The following POU6F2 variants were observed in gnomAD, a reference collection of about 807,000 sequenced individuals.
The protein encoded by POU6F2 is POU class 6 homeobox 2.
POU6F2 carries 31 observed loss-of-function variants against 71.3 expected under a neutral mutation model. The observed-to-expected ratio is 0.43, with a 90% CI of 0.33 to 0.59. POU6F2 has a LOEUF of 0.59. POU6F2 is among the 20% of genes least tolerant of loss of function. The probability of loss-of-function intolerance (pLI) is 0.04; values close to 1 mark genes in which losing one functional copy is unlikely to be tolerated. For missense variants in POU6F2, 783 were observed against 856.8 expected, an observed-to-expected ratio of 0.91 and a Z score of 1.07; for synonymous variants, 347 against 355.7, an observed-to-expected ratio of 0.98 and a Z score of 0.27.
At chr7:39,299,088 A>G (rs990424705) in intron 4 of POU6F2, among the ~76,000 whole-genome samples, 3 of 152,180 alleles carry the variant, frequency 2.0e-5, no homozygotes, top group African/African-American at 7.2e-5. Context: ...ATGGGTTGAT[A>G]GGTGCAGCAA....
intron 1 of POU6F2, among the ~76,000 whole-genome samples, chr7:39,031,456 A>G (rs1217847584): frequency 6.6e-6 from 1 of 152,234 alleles, no homozygotes; most frequent in African/African-American, 2.4e-5. Flanking sequence ...TTAAGGTTCC[A>G]TGTGAATGTG....
chr7:39,446,763 TC>T (rs1465186434), intron 7 of POU6F2, among the ~76,000 whole-genome samples: 9 of 152,230 alleles, frequency 5.9e-5, no homozygotes, highest in African/African-American at 2.2e-4. Context: ...CATCCGGTCC[TC>T]CTCCTCTGGA....
rs7810746 is a variant in POU6F2 at position 39,375,901 on chromosome 7, C to A, written c.973-30699C>A. Reference sequence around the variant, plus strand: ...GTTTCTCTCTGCTCCCAAACCCCATCCCTGCCCCTTTCAAGTAGGCAGTAG... The same window carrying A: ...GTTTCTCTCTGCTCCCAAACCCCATACCTGCCCCTTTCAAGTAGGCAGTAG... On this transcript the variant is annotated intron_variant, in intron 5 of 9. Transcript: ENST00000518318. 8.1e-3 allele frequency among the ~76,000 whole-genome samples: 1,236 copies of A among 152,212 alleles called. 20 individuals carry two copies. Among genetic ancestry groups the A allele is most frequent in the African/African-American group, 0.028 (1,165 of 41,524 alleles).
At chr7:39,009,298 A>G (rs1229072) in intron 1 of POU6F2, among the ~76,000 whole-genome samples, 127,400 of 150,656 alleles carry the variant, frequency 0.85, 54,845 homozygotes, top group East Asian at 0.95. Flanking sequence ...GTGAATGGGA[A>G]TTCACTCATG....
At chr7:39,414,642 G>C (rs540493841) in intron 6 of POU6F2, among the ~76,000 whole-genome samples, 2 of 152,196 alleles carry the variant, frequency 1.3e-5, no homozygotes, top group East Asian at 1.9e-4. Flanking sequence ...CAGAAGCGCC[G>C]GGCTGTGCGT....
intron 1 of POU6F2, among the ~76,000 whole-genome samples, chr7:39,085,604 C>T (rs1313112819): frequency 1.3e-5 from 2 of 150,924 alleles, no homozygotes; most frequent in African/African-American, 2.4e-5. Flanking sequence ...CCTCCGAAGC[C>T]TCCTGAATCT....
intron 7 of POU6F2, among the ~76,000 whole-genome samples, chr7:39,444,531 C>A (rs923261171): frequency 2.0e-5 from 3 of 152,186 alleles, no homozygotes; most frequent in African/African-American, 7.2e-5. Context: ...TTGCGGTGAC[C>A]CGAGATCGCA....
intron 1 of POU6F2, among the ~76,000 whole-genome samples, chr7:39,044,063 A>G (rs1224334517): frequency 6.6e-6 from 1 of 151,892 alleles, no homozygotes; most frequent in Non-Finnish European, 1.5e-5. Context: ...GCATTGAAGT[A>G]GAATCTCCTG....
intron 4 of POU6F2, among the ~76,000 whole-genome samples, chr7:39,250,844 G>A (rs1487226517): frequency 6.6e-6 from 1 of 152,228 alleles, no homozygotes; most frequent in Non-Finnish European, 1.5e-5. Flanking sequence ...TGGCCAGATA[G>A]AGTCAACCAA....
intron 4 of POU6F2, among the ~76,000 whole-genome samples, chr7:39,220,131 C>T (rs1163092001): frequency 6.6e-6 from 1 of 152,174 alleles, no homozygotes; most frequent in African/African-American, 2.4e-5. Context: ...AAGGCAACCC[C>T]AGCAGCAGCC....
At chr7:39,087,628 T>C (rs73373262) in intron 2 of POU6F2, among the ~76,000 whole-genome samples, 5,782 of 152,248 alleles carry the variant, frequency 0.038, 351 homozygotes, top group African/African-American at 0.13. Context: ...GCCATGCCCA[T>C]GCCCCTCTAA....
intron 1 of POU6F2, among the ~76,000 whole-genome samples, chr7:39,022,531 G>A (rs764872617): frequency 6.6e-6 from 1 of 151,974 alleles, no homozygotes; most frequent in Non-Finnish European, 1.5e-5. Flanking sequence ...GCTCCCTAGT[G>A]CCTCAGAGGC....
At position 39,426,776 on chromosome 7, in the gene POU6F2, G is replaced by A. The variant is rs1009339950; in HGVS notation, c.1114-6301G>A. Among the ~76,000 whole-genome samples the A allele has an allele frequency of 2.6e-5, 4 of 152,172 alleles. 1 individual carries two copies. The highest frequency in any genetic ancestry group is 9.7e-5 in the African/African-American group (4 of 41,448). On this transcript the variant is annotated intron_variant, in intron 6 of 9. Transcript: ENST00000518318. ...CTCCCCATGCTCCACCTCTGGAAGT[G>A]AGGAAGACACAGATTTTTCAAAAAT...
chr7:39,412,154 A>C (rs1168390273), intron 6 of POU6F2, among the ~76,000 whole-genome samples: 2 of 152,220 alleles, frequency 1.3e-5, no homozygotes, highest in East Asian at 3.8e-4. Flanking sequence ...CACCAGTAAA[A>C]CAGGAATGAT....
At chr7:39,115,604 A>T (rs1351731236) in intron 2 of POU6F2, among the ~76,000 whole-genome samples, 3 of 152,150 alleles carry the variant, frequency 2.0e-5, no homozygotes, top group African/African-American at 7.2e-5. Flanking sequence ...GAGAACAGAA[A>T]CTGTATTTAC....
intron 5 of POU6F2, among the ~76,000 whole-genome samples, chr7:39,399,466 A>C (rs1367711871): frequency 6.6e-6 from 1 of 152,312 alleles, no homozygotes; most frequent in East Asian, 1.9e-4. Flanking sequence ...CTCATGCACA[A>C]TAATTTGCTG....
At chr7:39,108,312 C>A (rs865877874) in intron 2 of POU6F2, among the ~76,000 whole-genome samples, 22 of 151,574 alleles carry the variant, frequency 1.5e-4, no homozygotes, top group African/African-American at 5.1e-4. Flanking sequence ...TTTTTCTCTC[C>A]TTTGATGATC....
chr7:39,150,839 T>C (rs1792741560), intron 2 of POU6F2, among the ~76,000 whole-genome samples: 1 of 151,966 alleles, frequency 6.6e-6, no homozygotes, highest in African/African-American at 2.4e-5. Flanking sequence ...CTGTAATCTT[T>C]TGACTTTTTG....
Position 39,464,287 on chromosome 7 carries a change from C to A in POU6F2, c.1764C>A (p.Ala588=). 1 of 1,614,018 alleles carries A rather than the reference C, an allele frequency of 6.2e-7. No individual in the cohort carries two copies. The highest frequency in any genetic ancestry group is 8.5e-7 in the Non-Finnish European group (1 of 1,179,894). Residue 588 remains alanine (A), a synonymous_variant, in exon 10 of 10, where the codon GCC becomes GCA. Coordinates refer to ENST00000518318, the MANE Select transcript of POU6F2 (RefSeq NM_001370959.1). The surrounding 1 kb of genome is among the most constrained non-coding windows in gnomAD (Gnocchi z 4.1). ...TGAACCCTGGCCTTTTGTATCCTGC[C>A]AGGTTTGAAAAGCTGGACATCACCC... ...AKLNPGLLYP[A]RFEKLDITPK...
Sources: gnomAD v4.1 joint callset for allele counts (sites outside exome capture counted in the v4.1 genomes callset) on GRCh38, gnomAD v4.1.1 for gene constraint, Gnocchi (gnomAD v3.1) non-coding constraint, MANE v1.5 for transcripts, NCBI Gene and HGNC (gene_info 2026-07-23, HGNC 2026-07-21) for gene names.